Variants in OGG1 observed in about 807,000 individuals in gnomAD.
The protein encoded by OGG1 is 8-oxoguanine DNA glycosylase.
OGG1 carries 35 observed loss-of-function variants against 42.3 expected under a neutral mutation model. The ratio of observed to expected loss-of-function variants is 0.83; its 90% CI spans 0.63 to 1.10. The LOEUF (loss-of-function observed/expected upper bound fraction) is 1.10. Ranked by LOEUF, OGG1 falls within the 50% of genes least tolerant of loss-of-function variation. The pLI is 0.00. For synonymous variants in OGG1, 189 were observed against 179.0 expected, an observed-to-expected ratio of 1.06 and a Z score of -0.44; for missense variants, 484 against 446.7, an observed-to-expected ratio of 1.08 and a Z score of -0.75.
In OGG1 at chr3:9,755,649, A is replaced by G. The variant is rs148088025; in HGVS notation, c.747+764A>G. Among the ~76,000 whole-genome samples the G allele has an allele frequency of 2.0e-3, 307 of 151,450 alleles. 2 individuals carry two copies. The highest frequency in any genetic ancestry group is 7.0e-3 in the African/African-American group (289 of 41,288). On this transcript the variant is annotated intron_variant, in intron 4 of 6. Coordinates refer to ENST00000344629, the MANE Select transcript of OGG1 (RefSeq NM_002542.6). ...CAGCTAATTTTTGTATTTTTAGTAG[A>G]GATGGGGTTTCACCATGTTGGGCCA...
intron 3 of OGG1, chr3:9,784,163 G>A: frequency 6.2e-7 from 1 of 1,614,064 alleles, no homozygotes; most frequent in Non-Finnish European, 8.5e-7. Context: ...AAGGCCCTGG[G>A]CAATTAGCTC....
chr3:9,762,796 G>C, intron 7 of OGG1: 1 of 967,304 alleles, frequency 1.0e-6, no homozygotes, highest in Admixed American at 2.2e-5. Context: ...GATCCACTTT[G>C]TAGATGGAAA....
At chr3:9,760,408 G>A (rs947456887), downstream of OGG1, 3 of 438,918 alleles carry the variant, frequency 6.8e-6, no homozygotes, top group Non-Finnish European at 1.3e-5. Context: ...CAATAGGGGA[G>A]AGGTATTTTC....
intron 1 of OGG1, 198 bp downstream of exon 1, chr3:9,750,621 C>G (rs1272025189): frequency 1.3e-6 from 1 of 780,372 alleles, no homozygotes; most frequent in Non-Finnish European, 2.1e-6. Context: ...GCGGTATAAC[C>G]GATGCAGAAG....
chr3:9,789,976 G>T, downstream of OGG1: 2 of 1,576,958 alleles, frequency 1.3e-6, no homozygotes, highest in South Asian at 1.2e-5. Context: ...GAAATTTACA[G>T]AAAGTGTCAC....
At chr3:9,782,027 G>A (rs574875926) in intron 3 of OGG1, among the ~76,000 whole-genome samples, 6 of 151,764 alleles carry the variant, frequency 4.0e-5, no homozygotes, top group Admixed American at 2.0e-4. Flanking sequence ...AGTAGAGAAG[G>A]GGGTCTGACT....
chr3:9,759,996 A>C, downstream of OGG1: 1 of 457,482 alleles, frequency 2.2e-6, no homozygotes, highest in Non-Finnish European at 3.9e-6. Context: ...TAATCCCAGC[A>C]CTTTGGGAGG....
intron 3 of OGG1, among the ~76,000 whole-genome samples, chr3:9,752,961 T>C (rs1046470877): frequency 7.9e-5 from 12 of 152,074 alleles, no homozygotes; most frequent in African/African-American, 2.7e-4. Flanking sequence ...GGCAGGAGAA[T>C]TGCTTGAACC....
At chr3:9,762,028 G>T, downstream of OGG1, 1 of 361,168 alleles carries the variant, frequency 2.8e-6, no homozygotes, top group Non-Finnish European at 5.1e-6. Context: ...TTTTATGCCA[G>T]ACCCTGGATT....
chr3:9,787,747 G>T, exon 4 of OGG1: 2 of 1,273,932 alleles, frequency 1.6e-6, no homozygotes, highest in Non-Finnish European at 2.1e-6. Context: ...TAAGAAATCA[G>T]ATAAGTGAAG....
downstream of OGG1, chr3:9,757,854 T>C (rs1257917384): frequency 4.4e-6 from 7 of 1,597,126 alleles, no homozygotes; most frequent in Non-Finnish European, 6.0e-6. This position sits in a 1 kb window ranked among gnomAD's most constrained non-coding sequence, Gnocchi z 4.5. Context: ...TTGCTGGCAT[T>C]GAAGGCATTG....
downstream of OGG1, chr3:9,758,135 C>G (rs1237401011): frequency 7.3e-6 from 2 of 273,554 alleles, no homozygotes; most frequent in Non-Finnish European, 6.9e-6. Flanking sequence ...ATGTCAGGCA[C>G]TGTTCTAAGC....
downstream of OGG1, chr3:9,761,463 G>C (rs1465543720): frequency 1.2e-6 from 2 of 1,610,754 alleles, no homozygotes; most frequent in African/African-American, 2.7e-5. Flanking sequence ...CCACTTACAA[G>C]ATGTAGGCGA....
At chr3:9,775,629 G>A (rs1487137604) in intron 2 of OGG1, among the ~76,000 whole-genome samples, 1 of 151,296 alleles carries the variant, frequency 6.6e-6, no homozygotes, top group Non-Finnish European at 1.5e-5. Flanking sequence ...GTAAGGCTAT[G>A]CCCCATACCC....
chr3:9,766,461 A>T, exon 8 of OGG1: 4 of 412,408 alleles, frequency 9.7e-6, no homozygotes, highest in Non-Finnish European at 1.8e-5. Flanking sequence ...CAAAATCTCT[A>T]CTGCTTTGGA....
At position 9,756,596 on chromosome 3, in the gene OGG1, G is replaced by A. The variant is rs374034613; in HGVS notation, c.873G>A (p.Pro291=). The change falls in exon 5 of 7, where the codon CCG becomes CCA. Residue 291 remains proline, a synonymous_variant. Transcript: ENST00000344629. ...CTACCACGTCCCAGGCGAAGGGACC[G>A]AGCCCCCAGACCAACAAGGAACTGG... ...WHPTTSQAKG[P]SPQTNKELGN... 3.0e-5 allele frequency: 49 copies of A among 1,613,908 alleles called. No individual in the cohort carries two copies. The highest frequency in any genetic ancestry group is 3.5e-5 in the Non-Finnish European group (41 of 1,179,886).
chr3:9,752,952 G>A (rs2077371224), intron 3 of OGG1, among the ~76,000 whole-genome samples: 1 of 152,266 alleles, frequency 6.6e-6, no homozygotes, highest in South Asian at 2.1e-4. Context: ...GGAGGGTGAG[G>A]CAGGAGAATT....
intron 2 of OGG1, among the ~76,000 whole-genome samples, chr3:9,776,135 T>G (rs2078360008): frequency 6.6e-6 from 1 of 152,104 alleles, no homozygotes; most frequent in Non-Finnish European, 1.5e-5. Flanking sequence ...TCTAGCTTCA[T>G]CTCTTATCCT....
downstream of OGG1, among the ~76,000 whole-genome samples, chr3:9,769,535 C>G (rs569189673): frequency 1.3e-5 from 2 of 152,164 alleles, no homozygotes; most frequent in Non-Finnish European, 2.9e-5. Flanking sequence ...CAGTACACTC[C>G]GCAAGCCCCC....
Sources: gnomAD v4.1 joint callset for allele counts (sites outside exome capture counted in the v4.1 genomes callset) on GRCh38, gnomAD v4.1.1 for gene constraint, Gnocchi (gnomAD v3.1) non-coding constraint, MANE v1.5 for transcripts, NCBI Gene and HGNC (gene_info 2026-07-23, HGNC 2026-07-21) for gene names.